Variants in AKAP13 observed in about 807,000 individuals in gnomAD.
AKAP13 encodes the protein A-kinase anchoring protein 13.
A neutral mutation model predicts 264.5 loss-of-function variants in AKAP13; 80 were observed. The observed-to-expected ratio is 0.30, with a 90% CI of 0.25 to 0.36. The LOEUF (loss-of-function observed/expected upper bound fraction) is 0.36, where lower values mean the gene tolerates loss of function less well. Ranked by LOEUF, AKAP13 falls within the 10% of genes least tolerant of loss-of-function variation. The pLI, the probability that AKAP13 is intolerant of heterozygous loss-of-function variation, is 1.00. For missense variants in AKAP13, 3,712 were observed against 3,435.2 expected (o/e 1.08, Z -2.01); for synonymous variants, 1,380 against 1,250.2 (o/e 1.10, Z -2.19).
intron 8 of AKAP13, among the ~76,000 whole-genome samples, chr15:85,615,511 T>C (rs1484173608): frequency 1.3e-5 from 2 of 152,250 alleles, no homozygotes; most frequent in Non-Finnish European, 2.9e-5. Flanking sequence ...CAGTCTATTA[T>C]CTAAGCAGAC....
chr15:85,613,713 T>TATATGTATGTATATATA (rs1254657975), intron 8 of AKAP13, among the ~76,000 whole-genome samples: 2 of 110,988 alleles, frequency 1.8e-5, no homozygotes, highest in South Asian at 3.3e-4. Flanking sequence ...TATATATATA[T>TATATGTATGTATATATA]TAGGAGTGCT....
intron 1 of AKAP13, among the ~76,000 whole-genome samples, chr15:85,385,148 A>G (rs537792798): frequency 1.3e-5 from 2 of 152,320 alleles, no homozygotes; most frequent in South Asian, 2.1e-4. Context: ...AATATTTACT[A>G]TCTGGGCTTT....
intron 8 of AKAP13, among the ~76,000 whole-genome samples, chr15:85,600,998 A>G (rs1211099753): frequency 2.0e-5 from 3 of 152,228 alleles, no homozygotes; most frequent in Non-Finnish European, 2.9e-5. Flanking sequence ...TTCTACTTTG[A>G]CACCTTTGCT....
intron 1 of AKAP13, among the ~76,000 whole-genome samples, chr15:85,470,455 T>C (rs1487531718): frequency 1.3e-5 from 2 of 152,220 alleles, no homozygotes; most frequent in East Asian, 3.9e-4. Flanking sequence ...AACTCAGACA[T>C]ACTGCTTTAT....
chr15:85,399,172 C>T (rs1368129661), intron 1 of AKAP13, among the ~76,000 whole-genome samples: 4 of 152,162 alleles, frequency 2.6e-5, no homozygotes, highest in Non-Finnish European at 5.9e-5. Context: ...TTTACTATTT[C>T]CCCATAACTT....
rs771730293 is a variant in AKAP13, at chr15:85,415,623, A to T, written c.-12+34825A>T. The T allele has an allele frequency of 5.2e-4, 736 of 1,423,804 alleles. 3 individuals are homozygous for T. Among genetic ancestry groups the T allele is most frequent in the Admixed American group, 1.0e-3 (61 of 59,568 alleles). The allele number at this position is 1,423,804 out of a possible 1,614,324, so 88.2% of individuals were successfully genotyped here. On this transcript the variant is annotated intron_variant, in intron 1 of 36. Transcript: ENST00000394518. The stretch of plus-strand genomic sequence containing the variant: ...TGTCACCTGTACTCGGATCTATGAA[A>T]AAGTAGAATAAAAATTCCATCATCA...
chr15:85,620,247 C>G (rs959704824), intron 8 of AKAP13: 2 of 1,372,884 alleles, frequency 1.5e-6, no homozygotes, highest in Non-Finnish European at 2.0e-6. Flanking sequence ...TAGCCATGTC[C>G]CTGGCCCTCC....
At chr15:85,413,720 T>C (rs923618233) in intron 1 of AKAP13, among the ~76,000 whole-genome samples, 2 of 152,168 alleles carry the variant, frequency 1.3e-5, no homozygotes, top group African/African-American at 4.8e-5. Context: ...TCTCAGGCCC[T>C]TGTTAGGATT....
intron 5 of AKAP13, among the ~76,000 whole-genome samples, chr15:85,574,387 G>C (rs138105409): frequency 2.0e-5 from 3 of 152,298 alleles, no homozygotes; most frequent in East Asian, 3.9e-4. Flanking sequence ...AATTGGAGGT[G>C]CTGTAGCCTT....
chr15:85,499,542 C>T (rs2344432), intron 2 of AKAP13, among the ~76,000 whole-genome samples: 37,295 of 152,098 alleles, frequency 0.25, 6,053 homozygotes, highest in Middle Eastern at 0.41. Context: ...CCATGGATCC[C>T]GTGCTGAGTC....
intron 1 of AKAP13, among the ~76,000 whole-genome samples, chr15:85,438,492 A>T (rs1260085924): frequency 4.7e-5 from 7 of 150,180 alleles, no homozygotes; most frequent in African/African-American, 1.5e-4. Context: ...GGAACCAAAA[A>T]AGAGCCTGCA....
chr15:85,712,909 T>A (rs937341575), intron 19 of AKAP13, among the ~76,000 whole-genome samples: 1 of 152,176 alleles, frequency 6.6e-6, no homozygotes, highest in Non-Finnish European at 1.5e-5. Context: ...GAGTACAGAT[T>A]GTGAATTCTA....
intron 1 of AKAP13, among the ~76,000 whole-genome samples, chr15:85,399,517 A>AAT (rs1555425290): frequency 0.014 from 1,808 of 125,724 alleles, 49 homozygotes; most frequent in South Asian, 0.046. Flanking sequence ...AAAAAAAAAA[A>AAT]AAAAATAAAA....
At chr15:85,415,029 A>G (rs1315990470) in intron 1 of AKAP13, among the ~76,000 whole-genome samples, 1 of 152,086 alleles carries the variant, frequency 6.6e-6, no homozygotes, top group East Asian at 1.9e-4. Context: ...TCTATGTTGG[A>G]GTGGTTTGTT....
At chr15:85,530,090 C>T (rs2077198970) in intron 3 of AKAP13, among the ~76,000 whole-genome samples, 1 of 152,194 alleles carries the variant, frequency 6.6e-6, no homozygotes, top group South Asian at 2.1e-4. Flanking sequence ...CTCACACATC[C>T]ATCCATTCAC....
At chr15:85,648,764 A>G (rs11631386) in intron 10 of AKAP13, among the ~76,000 whole-genome samples, 31,257 of 152,050 alleles carry the variant, frequency 0.21, 4,266 homozygotes, top group Middle Eastern at 0.42. Context: ...ACTTAAGTGT[A>G]GGAGGTTAAC....
chr15:85,478,779 G>C (rs2075262208), intron 1 of AKAP13, among the ~76,000 whole-genome samples: 1 of 151,914 alleles, frequency 6.6e-6, no homozygotes, highest in Non-Finnish European at 1.5e-5. Flanking sequence ...ACCATCATAT[G>C]ATAGTGGGGC....
chr15:85,730,495 A>C lies in AKAP13; in HGVS notation c.7088-18A>C. The C allele has an allele frequency of 6.2e-7, 1 of 1,611,022 alleles. No homozygotes were observed. The highest frequency in any genetic ancestry group is 2.2e-5 in the East Asian group (1 of 44,826). On this transcript the variant is annotated intron_variant, in intron 29 of 36. Coordinates refer to ENST00000394518, the MANE Select transcript of AKAP13 (RefSeq NM_007200.5). ...CTAAACACCAATCAAATCACAGATC[A>C]TTTTCTCCTTCCTGCAGAACAACTT...
At chr15:85,484,211 C>G (rs936528279) in intron 1 of AKAP13, among the ~76,000 whole-genome samples, 2 of 152,196 alleles carry the variant, frequency 1.3e-5, no homozygotes, top group African/African-American at 4.8e-5. Flanking sequence ...AGAAGGCACT[C>G]AAGCCTTTCA....
Sources: gnomAD v4.1 joint callset for allele counts (sites outside exome capture counted in the v4.1 genomes callset) on GRCh38, gnomAD v4.1.1 for gene constraint, MANE v1.5 for transcripts, NCBI Gene and HGNC (gene_info 2026-07-23, HGNC 2026-07-21) for gene names.